Variants in RPS29 observed in about 807,000 individuals in gnomAD.
RPS29 encodes small ribosomal subunit protein uS14.
For synonymous variants in RPS29, 37 were observed against 26.9 expected (o/e 1.37, Z -1.16); for missense variants, 60 against 75.7 (o/e 0.79, Z 0.77).
intron 1 of RPS29, among the ~76,000 whole-genome samples, chr14:49,594,445 T>G (rs1881778838): frequency 6.6e-6 from 1 of 152,234 alleles, no homozygotes; most frequent in Non-Finnish European, 1.5e-5. Context: ...AATGCAGCTC[T>G]GAATTGATAC....
At chr14:49,588,884 T>TTTTC (rs1254130138), upstream of RPS29, among the ~76,000 whole-genome samples, 126 of 88,230 alleles carry the variant, frequency 1.4e-3, 1 homozygote, top group Admixed American at 4.3e-3. Flanking sequence ...TCCTTTTTTT[T>TTTTC]TTTTTTTTTT....
At chr14:49,585,859 G>C in intron 2 of RPS29, 91 bp downstream of exon 2, 3 of 978,570 alleles carry the variant, frequency 3.1e-6, no homozygotes, top group Non-Finnish European at 4.9e-6. Flanking sequence ...TACCACTCCA[G>C]GGAAGATCTG....
At chr14:49,592,363 G>GT (rs550587874) in intron 1 of RPS29, 1,664 of 103,658 alleles carry the variant, frequency 0.016, 39 homozygotes, top group African/African-American at 0.048. Flanking sequence ...TAAAGTCTAT[G>GT]TTTTTTTTTT....
chr14:49,582,566 T>C (rs115772989), downstream of RPS29, among the ~76,000 whole-genome samples: 510 of 152,352 alleles, frequency 3.3e-3, 5 homozygotes, highest in African/African-American at 0.012. Flanking sequence ...ATAAATTCAA[T>C]TGAGAAGTTT....
At chr14:49,572,742 CA>C (rs1881084283) in exon 3 of RPS29, 1 of 152,066 alleles carries the variant, frequency 6.6e-6, no homozygotes, top group Non-Finnish European at 1.5e-5. Flanking sequence ...GTCTCCTGAC[CA>C]TGTAGAAAAC....
chr14:49,577,556 C>T (rs1037466337), exon 3 of RPS29: 7 of 619,718 alleles, frequency 1.1e-5, no homozygotes, highest in African/African-American at 9.2e-5. Flanking sequence ...AGCTCCTTAA[C>T]GTTGTGGACC....
chr14:49,589,083 C>G (rs1881658043), upstream of RPS29, among the ~76,000 whole-genome samples: 1 of 151,834 alleles, frequency 6.6e-6, no homozygotes, highest in South Asian at 2.1e-4. Flanking sequence ...TTAGTAGAGA[C>G]AGGGTTTCAC....
At chr14:49,592,372 T>G (rs947938845) in intron 1 of RPS29, 8 of 149,930 alleles carry the variant, frequency 5.3e-5, no homozygotes, top group Middle Eastern at 3.4e-3. Flanking sequence ...TGTTTTTTTT[T>G]TTTTTTTTTT....
chr14:49,598,380 G>A, intron 1 of RPS29: 1 of 673,216 alleles, frequency 1.5e-6, no homozygotes, highest in Non-Finnish European at 2.7e-6. Context: ...AGTTAAGCCA[G>A]TCACACTCCA....
Position 49,586,175 on chromosome 14 carries a change from C to T in RPS29, c.62+110G>A, listed in dbSNP as rs1054390190. On this transcript the variant is annotated intron_variant, in intron 1 of 2. Coordinates refer to ENST00000245458, the MANE Select transcript of RPS29 (RefSeq NM_001032.5). ...AGGCCTGTAATGGCGGCACCAGCGA[C>T]TCCCAGTCGGCGTGCTCCCTCGTGC... 13 of 1,397,822 alleles carry T rather than the reference C, an allele frequency of 9.3e-6. No individual in the cohort carries two copies. The African/African-American group carries it at 1.6e-4, about 17-fold the overall frequency. The allele number at this position is 1,397,822 out of a possible 1,614,324, so 86.6% of individuals were successfully genotyped here. A position where few individuals can be genotyped will look rare whatever the true frequency, so the allele number is the denominator to read the frequency against.
At chr14:49,577,959 T>C in intron 2 of RPS29, 4 of 756,238 alleles carry the variant, frequency 5.3e-6, no homozygotes, top group South Asian at 1.6e-5. Flanking sequence ...GTTATGTCAC[T>C]ATCAGGATCT....
At chr14:49,588,876 CTTTTT>C (rs577408713), upstream of RPS29, among the ~76,000 whole-genome samples, 787 of 92,308 alleles carry the variant, frequency 8.5e-3, 2 homozygotes, top group African/African-American at 0.028. Flanking sequence ...TTTCTGAGTC[CTTTTT>C]TTTTTTTTTT....
chr14:49,589,182 C>T (rs979332210), upstream of RPS29, among the ~76,000 whole-genome samples: 1 of 152,076 alleles, frequency 6.6e-6, no homozygotes, highest in African/African-American at 2.4e-5. Context: ...CGTGAGCCAT[C>T]TTAGTTCTCT....
intron 1 of RPS29, among the ~76,000 whole-genome samples, chr14:49,595,975 T>TG (rs1881813070): frequency 7.6e-6 from 1 of 131,232 alleles, no homozygotes; most frequent in Non-Finnish European, 1.6e-5. Flanking sequence ...ATCGTGCCAC[T>TG]GCACTCCAGC....
chr14:49,581,294 A>C (rs939007697), downstream of RPS29, among the ~76,000 whole-genome samples: 1 of 152,210 alleles, frequency 6.6e-6, no homozygotes, highest in Non-Finnish European at 1.5e-5. Context: ...CTCCTCTCAG[A>C]TAAAACTGGG....
At chr14:49,572,991 C>T (rs1208884455) in exon 3 of RPS29, 1 of 151,870 alleles carries the variant, frequency 6.6e-6, no homozygotes, top group African/African-American at 2.4e-5. Context: ...TGCATTGAGC[C>T]CAGCAGGTTG....
At chr14:49,571,337 A>C (rs777568080) in exon 3 of RPS29, 1 of 152,226 alleles carries the variant, frequency 6.6e-6, no homozygotes, top group Non-Finnish European at 1.5e-5. Context: ...CATAGCGTGC[A>C]CAGTATGTTT....
chr14:49,598,625 C>T (rs1881896672), exon 1 of RPS29: 6 of 701,108 alleles, frequency 8.6e-6, no homozygotes, highest in Non-Finnish European at 1.6e-5. Flanking sequence ...CGGGAAACAG[C>T]GGCCCGACGT....
intron 1 of RPS29, chr14:49,598,056 G>T (rs1881875291): frequency 3.9e-6 from 1 of 253,564 alleles, no homozygotes. Context: ...GCTCATTTGA[G>T]AATAAATCAC....
Sources: gnomAD v4.1 joint callset for allele counts (sites outside exome capture counted in the v4.1 genomes callset) on GRCh38, gnomAD v4.1.1 for gene constraint, MANE v1.5 for transcripts, NCBI Gene and HGNC (gene_info 2026-07-23, HGNC 2026-07-21) for gene names.